The following CHL1 variants were observed in gnomAD, a reference collection of about 807,000 sequenced individuals.
CHL1 encodes cell adhesion molecule L1 like.
A neutral mutation model predicts 141.9 loss-of-function variants in CHL1; 96 were observed. The ratio of observed to expected loss-of-function variants is 0.68; its 90% CI spans 0.57 to 0.80. The LOEUF (loss-of-function observed/expected upper bound fraction) is 0.80. Ranked by LOEUF, CHL1 falls within the 30% of genes least tolerant of loss-of-function variation. CHL1 has a pLI of 0.00. For missense variants in CHL1, 1,820 were observed against 1,457.2 expected, an observed-to-expected ratio of 1.25 and a Z score of -4.05; for synonymous variants, 613 against 502.2, an observed-to-expected ratio of 1.22 and a Z score of -2.95.
rs9839027 is a variant in CHL1 at position 361,614 on chromosome 3, C to T, written c.1307-85C>T. On this transcript the variant is annotated intron_variant, in intron 12 of 27. Transcript: ENST00000256509. ...TATTCTGCTGTTTTCTGTTTGTATT[C>T]GTATGACTAGGACATAGAAAAATTT... is the stretch of plus-strand genomic sequence containing the variant. 1.2e-4 allele frequency: 101 copies of T among 822,798 alleles called. No individual in the cohort carries two copies. The African/African-American group carries it at 1.3e-3, about 11-fold the overall frequency. The allele number at this position is 822,798 out of a possible 1,614,324, so 51.0% of individuals were successfully genotyped here. A position where few individuals can be genotyped will look rare whatever the true frequency, so the allele number is the denominator to read the frequency against.
chr3:333,647 A>G (rs1182778652), intron 5 of CHL1, among the ~76,000 whole-genome samples: 2 of 152,212 alleles, frequency 1.3e-5, no homozygotes, highest in Non-Finnish European at 2.9e-5. Flanking sequence ...TGAAACTCCC[A>G]TAATACACCA....
chr3:399,571 T>A (rs550298181), intron 26 of CHL1, among the ~76,000 whole-genome samples: 2 of 151,930 alleles, frequency 1.3e-5, no homozygotes, highest in African/African-American at 4.8e-5. Flanking sequence ...ACCCGGGAGG[T>A]GGAGTTTGCA....
chr3:309,358 A>G (rs1699542146), intron 2 of CHL1: 1 of 149,712 alleles, frequency 6.7e-6, no homozygotes, highest in African/African-American at 2.5e-5. Flanking sequence ...ACTTAGGTAT[A>G]TATTTTCTTT....
chr3:307,676 T>C (rs1381859589), intron 2 of CHL1, among the ~76,000 whole-genome samples: 1 of 152,188 alleles, frequency 6.6e-6, no homozygotes. Flanking sequence ...TTTTTTTTAA[T>C]GGAACATTCT....
chr3:403,735 A>G (rs1353488491), intron 27 of CHL1, among the ~76,000 whole-genome samples: 1 of 152,146 alleles, frequency 6.6e-6, no homozygotes, highest in Non-Finnish European at 1.5e-5. Flanking sequence ...ACATCCCTTT[A>G]TAGTAGCTGA....
At chr3:264,479 T>G (rs116759830) in intron 2 of CHL1, among the ~76,000 whole-genome samples, 41 of 152,298 alleles carry the variant, frequency 2.7e-4, no homozygotes, top group African/African-American at 9.6e-4. Context: ...TTCGCCTCTT[T>G]AAGAAATAGC....
At chr3:290,615 C>T (rs987044714) in intron 2 of CHL1, among the ~76,000 whole-genome samples, 1 of 152,196 alleles carries the variant, frequency 6.6e-6, no homozygotes, top group Non-Finnish European at 1.5e-5. Context: ...TCATCACTCT[C>T]TACTTCTGAC....
chr3:391,648 G>A (rs1232355125), intron 22 of CHL1, 27 bp from the exon 23 acceptor site: 6 of 1,556,992 alleles, frequency 3.9e-6, no homozygotes, highest in Admixed American at 3.8e-5. Flanking sequence ...ATTGATGTGA[G>A]TTTATTTTTG....
chr3:280,301 G>A (rs959851785), intron 2 of CHL1, among the ~76,000 whole-genome samples: 2 of 151,884 alleles, frequency 1.3e-5, no homozygotes, highest in Non-Finnish European at 2.9e-5. Context: ...GGAGACTGTG[G>A]CACTGTCATG....
chr3:341,897 G>T lies in CHL1; in HGVS notation c.509-15G>T. ...GGACAATTGCCCTTTTCAATGGCAAGATATCTCTTTTCAGAATTAGAACAC... is the reference window on the plus strand; with the variant it reads ...GGACAATTGCCCTTTTCAATGGCAATATATCTCTTTTCAGAATTAGAACAC... On this transcript the variant is annotated splice_polypyrimidine_tract_variant and intron_variant, in intron 6 of 27. Coordinates refer to ENST00000256509, the MANE Select transcript of CHL1 (RefSeq NM_006614.4). 1 of 1,564,270 alleles carries T rather than the reference G, an allele frequency of 6.4e-7. No homozygotes were observed. Among genetic ancestry groups the T allele is most frequent in the Non-Finnish European group, 8.7e-7 (1 of 1,145,670 alleles).
chr3:389,158 T>G, intron 19 of CHL1, 94 bp from the exon 20 acceptor site: 1 of 948,172 alleles, frequency 1.1e-6, no homozygotes, highest in East Asian at 2.6e-5. Context: ...ACCATTTCAT[T>G]ACATTGTTCC....
chr3:240,894 A>T (rs539559240), intron 1 of CHL1, among the ~76,000 whole-genome samples: 4 of 152,302 alleles, frequency 2.6e-5, no homozygotes, highest in African/African-American at 7.2e-5. Flanking sequence ...TTTGTAGAAG[A>T]TCAGTTGGCT....
At chr3:379,503 G>T (rs1706759610) in intron 16 of CHL1, among the ~76,000 whole-genome samples, 1 of 152,026 alleles carries the variant, frequency 6.6e-6, no homozygotes, top group Non-Finnish European at 1.5e-5. Context: ...TTCATCCCAG[G>T]CCTAGTGAGT....
In CHL1 at chr3:324,679, C is replaced by T. The variant is rs534208099; in HGVS notation, c.92-1280C>T. Among the ~76,000 whole-genome samples, 5 of 151,712 alleles carry T rather than the reference C, an allele frequency of 3.3e-5. No individual in the cohort carries two copies. The East Asian group carries it at 9.7e-4, about 29-fold the overall frequency. ...TTTATGAAAGAGTCTCACTCTGTCACCCAGGCTCAAGCGCAGTGGCTTGAT... is the reference window on the plus strand; with the variant it reads ...TTTATGAAAGAGTCTCACTCTGTCATCCAGGCTCAAGCGCAGTGGCTTGAT... On this transcript the variant is annotated intron_variant, in intron 3 of 27. Transcript: ENST00000256509.
intron 13 of CHL1, among the ~76,000 whole-genome samples, 160 bp from the exon 14 acceptor site, chr3:363,057 T>C (rs1704440427): frequency 6.6e-6 from 1 of 152,212 alleles, no homozygotes; most frequent in African/African-American, 2.4e-5. Context: ...ATATACAATC[T>C]TGGTCCATTT....
chr3:288,031 G>T (rs1017389543), intron 2 of CHL1, among the ~76,000 whole-genome samples: 3 of 152,206 alleles, frequency 2.0e-5, no homozygotes, highest in Admixed American at 2.0e-4. Context: ...GCCTCCCAAA[G>T]TGCTGGGATT....
intron 19 of CHL1, chr3:385,607 A>T (rs1707595829): frequency 6.6e-6 from 1 of 152,402 alleles, no homozygotes; most frequent in South Asian, 2.1e-4. Flanking sequence ...AGGCGGGCAG[A>T]TCACAAGATC....
At chr3:268,081 G>A (rs1329893258) in intron 2 of CHL1, among the ~76,000 whole-genome samples, 1 of 152,106 alleles carries the variant, frequency 6.6e-6, no homozygotes, top group African/African-American at 2.4e-5. Flanking sequence ...CTTCAAATGT[G>A]TTTTGCCCCG....
intron 1 of CHL1, among the ~76,000 whole-genome samples, chr3:238,016 A>G (rs141596354): frequency 1.5e-4 from 23 of 152,312 alleles, no homozygotes; most frequent in African/African-American, 5.3e-4. Flanking sequence ...TATTTTTTCT[A>G]GTTCTTACTT....
Sources: allele counts gnomAD v4.1 joint callset (sites outside exome capture counted in the v4.1 genomes callset), GRCh38; gene constraint gnomAD v4.1.1; transcripts MANE v1.5; gene names NCBI Gene and HGNC (gene_info 2026-07-23, HGNC 2026-07-21).